The following MTCL2 variants were observed in gnomAD, a reference collection of about 807,000 sequenced individuals.
The protein encoded by MTCL2 is microtubule crosslinking factor 2.
the MTCL2 span, among the ~76,000 whole-genome samples, chr20:36,851,032 C>T: frequency 3.3e-5 from 5 of 152,018 alleles, no homozygotes; most frequent in African/African-American, 9.7e-5. Context: ...AAAACAGTCC[C>T]GGTGGTTGTC....
At chr20:36,860,798 C>T in the MTCL2 span, among the ~76,000 whole-genome samples, 1 of 152,158 alleles carries the variant, frequency 6.6e-6, no homozygotes, top group Non-Finnish European at 1.5e-5. Context: ...AAGCGACAGA[C>T]CCCAGATCCA....
At chr20:36,790,032 C>T in the MTCL2 span, among the ~76,000 whole-genome samples, 4 of 148,686 alleles carry the variant, frequency 2.7e-5, no homozygotes, top group Admixed American at 2.7e-4. Context: ...CGCTCTGTCA[C>T]CCAGGCTGGA....
chr20:36,845,024 A>AAAG, the MTCL2 span, among the ~76,000 whole-genome samples: 20 of 149,814 alleles, frequency 1.3e-4, no homozygotes, highest in Admixed American at 1.3e-3. Flanking sequence ...AAAAAAAAAA[A>AAAG]AAGAAGAAGA....
At chr20:36,856,853 T>C in the MTCL2 span, among the ~76,000 whole-genome samples, 5 of 152,170 alleles carry the variant, frequency 3.3e-5, no homozygotes, top group East Asian at 1.9e-4. Context: ...TGTGTGTGTG[T>C]GTGTGCGTGC....
At chr20:36,853,723 GT>G in the MTCL2 span, among the ~76,000 whole-genome samples, 6 of 151,816 alleles carry the variant, frequency 4.0e-5, no homozygotes, top group Non-Finnish European at 5.9e-5. Flanking sequence ...GTGTGTGTGT[GT>G]GTGTGTGTGT....
chr20:36,793,105 A>G, the MTCL2 span: 2 of 1,012,462 alleles, frequency 2.0e-6, no homozygotes, highest in East Asian at 5.3e-5. This position sits in a 1 kb window ranked among gnomAD's most constrained non-coding sequence, Gnocchi z 6.8. Flanking sequence ...GGGTTTCACC[A>G]TGTTGGCCAG....
At chr20:36,823,640 C>T in the MTCL2 span, among the ~76,000 whole-genome samples, 1 of 152,128 alleles carries the variant, frequency 6.6e-6, no homozygotes, top group Non-Finnish European at 1.5e-5. Context: ...GAGACCCCAT[C>T]TCTTTCAAAA....
the MTCL2 span, chr20:36,862,865 G>C: frequency 1.8e-5 from 22 of 1,230,548 alleles, no homozygotes; most frequent in South Asian, 3.2e-5. Flanking sequence ...GCGCGGGCTG[G>C]GCCGGCTGCC....
At chr20:36,784,288 G>A in the MTCL2 span, 1 of 985,926 alleles carries the variant, frequency 1.0e-6, no homozygotes, top group Non-Finnish European at 1.2e-6. Context: ...CTGGCTGCCT[G>A]CTCTGCCCAC....
the MTCL2 span, among the ~76,000 whole-genome samples, chr20:36,834,865 G>C: frequency 6.6e-6 from 1 of 151,992 alleles, no homozygotes; most frequent in Non-Finnish European, 1.5e-5. Flanking sequence ...AGCTGGACAT[G>C]GTGGCGCATG....
At chr20:36,853,427 G>A in the MTCL2 span, among the ~76,000 whole-genome samples, 2 of 152,188 alleles carry the variant, frequency 1.3e-5, no homozygotes, top group Non-Finnish European at 2.9e-5. Flanking sequence ...AGCTGGACTA[G>A]ACAGTCTTAT....
At chr20:36,818,343 CAGG>C in the MTCL2 span, among the ~76,000 whole-genome samples, 1 of 152,152 alleles carries the variant, frequency 6.6e-6, no homozygotes, top group Admixed American at 6.5e-5. Context: ...GAGGCCAAGA[CAGG>C]AGGATTGCCT....
chr20:36,797,226 A>T, the MTCL2 span, among the ~76,000 whole-genome samples: 1 of 152,194 alleles, frequency 6.6e-6, no homozygotes, highest in Non-Finnish European at 1.5e-5. Flanking sequence ...ACTGCAACAA[A>T]GCATCCAGTG....
the MTCL2 span, among the ~76,000 whole-genome samples, chr20:36,826,361 CCTCCCCCCTCCCTCTCCTTCTCCCT>C: frequency 3.6e-5 from 1 of 28,108 alleles, no homozygotes; most frequent in African/African-American, 1.5e-4. Flanking sequence ...CCCCCCTCCC[CCTCCCCCCTCCCTCTCCTTCTCCCT>C]CTCCCTCTCG....
the MTCL2 span, among the ~76,000 whole-genome samples, chr20:36,844,092 C>T: frequency 4.0e-5 from 6 of 151,804 alleles, no homozygotes; most frequent in East Asian, 3.9e-4. Context: ...AAGAATTAGC[C>T]GGGCGTGGTG....
At chr20:36,783,915 C>G in the MTCL2 span, 2 of 985,372 alleles carry the variant, frequency 2.0e-6, no homozygotes, top group African/African-American at 3.5e-5. Context: ...TCCAGCCCCA[C>G]GTCCAGAGGC....
the MTCL2 span, chr20:36,863,227 T>TGGGCC: frequency 1.7e-6 from 2 of 1,203,604 alleles, no homozygotes; most frequent in South Asian, 4.0e-5. This position sits in a 1 kb window ranked among gnomAD's most constrained non-coding sequence, Gnocchi z 6.2. Context: ...GCCACGTCTT[T>TGGGCC]GGGCCGGGCC....
the MTCL2 span, among the ~76,000 whole-genome samples, chr20:36,822,094 C>T: frequency 6.6e-6 from 1 of 152,338 alleles, no homozygotes; most frequent in South Asian, 2.1e-4. Context: ...ATGTGGGCTC[C>T]CACACAGCCC....
chr20:36,818,834 C>A, the MTCL2 span, among the ~76,000 whole-genome samples: 1 of 152,104 alleles, frequency 6.6e-6, no homozygotes, highest in Admixed American at 6.6e-5. Context: ...ACAAACAGAG[C>A]ATTAAAAGGC....
Sources: gnomAD v4.1 joint callset for allele counts (sites outside exome capture counted in the v4.1 genomes callset) on GRCh38, gnomAD v4.1.1 for gene constraint, Gnocchi (gnomAD v3.1) non-coding constraint, MANE v1.5 for transcripts, NCBI Gene and HGNC (gene_info 2026-07-23, HGNC 2026-07-21) for gene names.